The following AGPS variants were observed in gnomAD, a reference collection of about 807,000 sequenced individuals.
The protein encoded by AGPS is alkylglycerone phosphate synthase, also known as alkyldihydroxyacetonephosphate synthase, peroxisomal.
Under a neutral mutation model 90.7 loss-of-function variants are expected in AGPS, and 26 were observed. That is an observed-to-expected ratio of 0.29 (90% CI 0.21 to 0.40). AGPS has a LOEUF of 0.40. Among genes scored for constraint, AGPS ranks in the 10% least tolerant of loss-of-function variants. The pLI is 1.00. For missense variants in AGPS, 540 were observed against 816.1 expected, an observed-to-expected ratio of 0.66 and a Z score of 4.12; for synonymous variants, 294 against 285.3, an observed-to-expected ratio of 1.03 and a Z score of -0.31.
intron 1 of AGPS, among the ~76,000 whole-genome samples, chr2:177,412,617 C>T (rs982738402): frequency 5.3e-5 from 8 of 152,136 alleles, no homozygotes; most frequent in African/African-American, 1.2e-4. Flanking sequence ...TATTACTCAC[C>T]GCTTTGGAGA....
rs146416808 is a variant in AGPS at position 177,439,890 on chromosome 2, T to C, written c.638-1075T>C. Among the ~76,000 whole-genome samples, 452 of 152,292 alleles carry C rather than the reference T, an allele frequency of 3.0e-3. 4 individuals carry two copies. The highest frequency in any genetic ancestry group is 0.01 in the African/African-American group (428 of 41,574). ...ACTAATGTCCTATTGCCAGTCAAGT[T>C]GAGTCTTAGCACCTCTTGCTTGGCA... On this transcript the variant is annotated intron_variant, in intron 5 of 19. Transcript: ENST00000264167.
At chr2:177,450,975 T>TATATATA (rs1434749270) in intron 8 of AGPS, among the ~76,000 whole-genome samples, 1 of 136,596 alleles carries the variant, frequency 7.3e-6, no homozygotes, top group African/African-American at 3.6e-5. Flanking sequence ...TATATATATA[T>TATATATA]TTTAGAGACA....
chr2:177,505,554 C>G lies in AGPS; in HGVS notation c.1524C>G (p.Thr508=). The part of the protein sequence containing the change: ...EDNGQRGYLL[T]YVIAYIRDLA... ...ATGGACAGAGAGGTTATTTGCTGAC[C>G]TATGTTATTGCATACATTCGAGTAA... Residue 508 remains threonine (T), a synonymous_variant, in exon 15 of 20, where the codon ACC becomes ACG. Coordinates refer to ENST00000264167, the MANE Select transcript of AGPS (RefSeq NM_003659.4). The G allele has an allele frequency of 6.2e-7, 1 of 1,612,048 alleles. No individual in the cohort carries two copies. The highest frequency in any genetic ancestry group is 1.7e-4 in the Middle Eastern group (1 of 6,050).
rs74435267 is a variant in AGPS at position 177,403,752 on chromosome 2, A to G, written c.260+10703A>G. On this transcript the variant is annotated intron_variant, in intron 1 of 19. Coordinates refer to ENST00000264167, the MANE Select transcript of AGPS (RefSeq NM_003659.4). ...TAATGTCTTGAAATTGCCATTTTTCACTCACTGTCTTGTGTATACCTTTCC... is the reference window on the plus strand; with the variant it reads ...TAATGTCTTGAAATTGCCATTTTTCGCTCACTGTCTTGTGTATACCTTTCC... Among the ~76,000 whole-genome samples, 908 of 152,284 alleles carry G rather than the reference A, an allele frequency of 6.0e-3. 8 individuals carry two copies. The highest frequency in any genetic ancestry group is 0.011 in the Non-Finnish European group (721 of 68,020).
chr2:177,490,210 T>G (rs777126185), intron 11 of AGPS, among the ~76,000 whole-genome samples: 4 of 152,204 alleles, frequency 2.6e-5, no homozygotes, highest in Non-Finnish European at 5.9e-5. Flanking sequence ...TAGTGGTAAC[T>G]TTTAATTATT....
At chr2:177,405,673 G>GTTTTTTTTT (rs56860445) in intron 1 of AGPS, among the ~76,000 whole-genome samples, 1 of 144,908 alleles carries the variant, frequency 6.9e-6, no homozygotes, top group Non-Finnish European at 1.5e-5. Flanking sequence ...CTATTCTGTT[G>GTTTTTTTTT]TTTTTTTTTT....
At chr2:177,457,538 G>A (rs1429052682) in intron 8 of AGPS, among the ~76,000 whole-genome samples, 1 of 152,180 alleles carries the variant, frequency 6.6e-6, no homozygotes, top group East Asian at 1.9e-4. Context: ...ACTACCATCA[G>A]AGAATACTAT....
intron 15 of AGPS, among the ~76,000 whole-genome samples, chr2:177,507,721 G>A (rs1473390716): frequency 3.9e-5 from 6 of 152,190 alleles, no homozygotes; most frequent in Non-Finnish European, 8.8e-5. Context: ...TTGAGTTCTT[G>A]CCCTGAGTCA....
chr2:177,524,132 G>C (rs992285358), intron 19 of AGPS, among the ~76,000 whole-genome samples: 1 of 152,150 alleles, frequency 6.6e-6, no homozygotes, highest in African/African-American at 2.4e-5. Context: ...TGATGGGGAA[G>C]AAAACCTACA....
intron 11 of AGPS, among the ~76,000 whole-genome samples, chr2:177,492,342 AATCAGGCTTTGT>A (rs1211327871): frequency 6.6e-6 from 1 of 152,202 alleles, no homozygotes; most frequent in African/African-American, 2.4e-5. Flanking sequence ...AATTTGGTCT[AATCAGGCTTTGT>A]ATATTTTATT....
At chr2:177,394,376 A>C (rs1685109366) in intron 1 of AGPS, among the ~76,000 whole-genome samples, 1 of 152,222 alleles carries the variant, frequency 6.6e-6, no homozygotes, top group African/African-American at 2.4e-5. Context: ...TGTTTGCATT[A>C]CTAATAGTTT....
At chr2:177,535,764 G>A (rs2105745226) in intron 19 of AGPS, among the ~76,000 whole-genome samples, 1 of 152,214 alleles carries the variant, frequency 6.6e-6, no homozygotes, top group Non-Finnish European at 1.5e-5. Flanking sequence ...ACCTTTAATT[G>A]CATAAACCAA....
chr2:177,401,627 C>T (rs1485981031), intron 1 of AGPS, among the ~76,000 whole-genome samples: 3 of 152,062 alleles, frequency 2.0e-5, no homozygotes, highest in Non-Finnish European at 4.4e-5. Context: ...TCACTGCAGC[C>T]TCCACCTCCC....
chr2:177,505,211 A>G (rs1287281011), intron 14 of AGPS, among the ~76,000 whole-genome samples: 2 of 152,036 alleles, frequency 1.3e-5, no homozygotes, highest in Admixed American at 6.6e-5. Flanking sequence ...ATATGAATAT[A>G]TGAGTAAGAA....
At chr2:177,463,081 AC>A (rs1301455527) in intron 9 of AGPS, among the ~76,000 whole-genome samples, 5 of 152,160 alleles carry the variant, frequency 3.3e-5, no homozygotes, top group Non-Finnish European at 5.9e-5. Context: ...AAATTGTTCT[AC>A]CAAGTAGTGG....
intron 8 of AGPS, among the ~76,000 whole-genome samples, chr2:177,455,243 T>C (rs2105656715): frequency 6.6e-6 from 1 of 152,250 alleles, no homozygotes; most frequent in East Asian, 1.9e-4. Flanking sequence ...TTGTGCTGCT[T>C]TTTTCTGTAC....
At chr2:177,466,661 C>A (rs1687457745) in intron 9 of AGPS, among the ~76,000 whole-genome samples, 1 of 152,242 alleles carries the variant, frequency 6.6e-6, no homozygotes, top group African/African-American at 2.4e-5. Context: ...AGGGTGCTGG[C>A]ATGTCAGCAC....
At chr2:177,518,450 A>C (rs13408468) in intron 17 of AGPS, among the ~76,000 whole-genome samples, 1 of 152,060 alleles carries the variant, frequency 6.6e-6, no homozygotes, top group Non-Finnish European at 1.5e-5. Flanking sequence ...AGAAAAAAAA[A>C]CCCAAAAACC....
chr2:177,439,600 T>A (rs779571542), intron 5 of AGPS, among the ~76,000 whole-genome samples: 1 of 152,202 alleles, frequency 6.6e-6, no homozygotes, highest in Non-Finnish European at 1.5e-5. Flanking sequence ...ACAAATGACA[T>A]GTTTTCTTAG....
Sources: allele counts gnomAD v4.1 joint callset (sites outside exome capture counted in the v4.1 genomes callset), GRCh38; gene constraint gnomAD v4.1.1; transcripts MANE v1.5; gene names NCBI Gene and HGNC (gene_info 2026-07-23, HGNC 2026-07-21).